LDLRAD4: variants seen among roughly 807,000 people sequenced by gnomAD.
LDLRAD4 encodes the protein low-density lipoprotein receptor class A domain-containing protein 4.
In LDLRAD4, 5 loss-of-function variants were observed where a neutral mutation model predicts 17.0. The ratio of observed to expected loss-of-function variants is 0.29; its 90% confidence interval spans 0.15 to 0.62. LDLRAD4 has a LOEUF of 0.62. Ranked by LOEUF, LDLRAD4 falls within the 20% of genes least tolerant of loss-of-function variation. The pLI is 0.84. For synonymous variants in LDLRAD4, 168 were observed against 171.8 expected, an observed-to-expected ratio of 0.98 and a Z score of 0.17; for missense variants, 340 against 424.7, an observed-to-expected ratio of 0.80 and a Z score of 1.75.
At chr18:13,447,417 T>C (rs1033074275) in intron 3 of LDLRAD4, among the ~76,000 whole-genome samples, 7 of 151,568 alleles carry the variant, frequency 4.6e-5, no homozygotes, top group African/African-American at 1.7e-4. Flanking sequence ...ATTAAAATCG[T>C]GTAGGGTCTT....
At chr18:13,311,454 G>T (rs2047227520) in intron 1 of LDLRAD4, among the ~76,000 whole-genome samples, 1 of 152,246 alleles carries the variant, frequency 6.6e-6, no homozygotes, top group Non-Finnish European at 1.5e-5. Context: ...CTGCTAAGGA[G>T]TCGCTTTCCA....
intron 2 of LDLRAD4, among the ~76,000 whole-genome samples, chr18:13,415,342 TTA>T (rs1476437572): frequency 6.6e-6 from 1 of 152,240 alleles, no homozygotes; most frequent in Non-Finnish European, 1.5e-5. Context: ...CTTTCTCCAG[TTA>T]ACGACCCTTC....
chr18:13,596,840 C>T (rs762152809), intron 3 of LDLRAD4, among the ~76,000 whole-genome samples: 1 of 152,202 alleles, frequency 6.6e-6, no homozygotes, highest in Non-Finnish European at 1.5e-5. Context: ...CACTCACCTC[C>T]TCTGTGTTGT....
intron 1 of LDLRAD4, among the ~76,000 whole-genome samples, chr18:13,317,905 A>G (rs2081014388): frequency 6.8e-6 from 1 of 146,134 alleles, no homozygotes. Context: ...ATTTTTTATC[A>G]TATGACACCA....
chr18:13,260,609 G>A (rs1300564961), intron 1 of LDLRAD4, among the ~76,000 whole-genome samples: 4 of 152,182 alleles, frequency 2.6e-5, no homozygotes, highest in African/African-American at 9.7e-5. Flanking sequence ...TGACTCAGCC[G>A]ACTATTTCCT....
chr18:13,376,723 G>A (rs1030740717), intron 1 of LDLRAD4, among the ~76,000 whole-genome samples: 4 of 152,204 alleles, frequency 2.6e-5, no homozygotes, highest in Non-Finnish European at 5.9e-5. Flanking sequence ...CTGTCTTCCA[G>A]GAGGGCACGT....
Position 13,621,011 on chromosome 18 carries a change from G to A in LDLRAD4, c.182-106G>A. The A allele has an allele frequency of 6.7e-7, 1 of 1,491,060 alleles. No homozygotes were observed. 92.4% of individuals were successfully genotyped at this position (1,491,060 alleles called of 1,614,324 possible). A position where few individuals can be genotyped will look rare whatever the true frequency, so the allele number is the denominator to read the frequency against. ...CTGCTGGCCTCTGAGGAACAGACGT[G>A]TGTGAGAGGCCTTCAGGGCCTGATG... is the stretch of plus-strand genomic sequence containing the variant. On this transcript the variant is annotated intron_variant, in intron 3 of 5. Coordinates refer to ENST00000359446, the Ensembl canonical transcript of LDLRAD4. The surrounding 1 kb of genome is among the most constrained non-coding windows in gnomAD (Gnocchi z 5.5).
chr18:13,410,218 G>A (rs928288010), intron 2 of LDLRAD4, among the ~76,000 whole-genome samples: 3 of 151,758 alleles, frequency 2.0e-5, no homozygotes, highest in African/African-American at 7.3e-5. Flanking sequence ...CACACCACAG[G>A]CTCCTAGATG....
chr18:13,287,687 T>TA (rs2045710956), intron 1 of LDLRAD4, among the ~76,000 whole-genome samples: 1 of 152,216 alleles, frequency 6.6e-6, no homozygotes, highest in Non-Finnish European at 1.5e-5. Context: ...ACATTGAACT[T>TA]AGTGTGGATG....
At chr18:13,339,106 C>T (rs2082245230) in intron 1 of LDLRAD4, among the ~76,000 whole-genome samples, 1 of 152,122 alleles carries the variant, frequency 6.6e-6, no homozygotes, top group African/African-American at 2.4e-5. Context: ...CTTTCCATTG[C>T]AGCTTGAGGC....
chr18:13,230,312 C>T (rs1051064116), intron 1 of LDLRAD4, among the ~76,000 whole-genome samples: 7 of 152,166 alleles, frequency 4.6e-5, no homozygotes, highest in South Asian at 2.1e-4. Flanking sequence ...TACAGCAGCA[C>T]GGCTGGACTG....
intron 3 of LDLRAD4, among the ~76,000 whole-genome samples, chr18:13,583,749 TGA>T (rs1161084673): frequency 1.3e-5 from 2 of 152,152 alleles, no homozygotes; most frequent in African/African-American, 4.8e-5. Context: ...GAAGCCTGCT[TGA>T]GTCACCGAGC....
intron 3 of LDLRAD4, among the ~76,000 whole-genome samples, chr18:13,479,013 G>A (rs999136014): frequency 9.2e-5 from 14 of 152,142 alleles, no homozygotes; most frequent in African/African-American, 2.9e-4. Context: ...AAGGTAATAC[G>A]GTGGAGGCAA....
At chr18:13,462,683 C>T (rs952444929) in intron 3 of LDLRAD4, among the ~76,000 whole-genome samples, 2 of 152,182 alleles carry the variant, frequency 1.3e-5, no homozygotes, top group African/African-American at 4.8e-5. Context: ...AGGCGTATAT[C>T]AATGCGGAAG....
intron 3 of LDLRAD4, among the ~76,000 whole-genome samples, chr18:13,562,600 T>G (rs1443078802): frequency 6.6e-6 from 1 of 152,228 alleles, no homozygotes; most frequent in Admixed American, 6.5e-5. Flanking sequence ...GTTCATCTTA[T>G]AACTGAAAGT....
intron 4 of LDLRAD4, among the ~76,000 whole-genome samples, chr18:13,635,032 G>A (rs9951248): frequency 0.67 from 102,093 of 152,082 alleles, 34,522 homozygotes; most frequent in East Asian, 0.91. Context: ...GCCACATGCA[G>A]AAGAGTGACA....
chr18:13,255,264 C>T (rs906215687), intron 1 of LDLRAD4, among the ~76,000 whole-genome samples: 5 of 152,134 alleles, frequency 3.3e-5, no homozygotes, highest in Non-Finnish European at 7.4e-5. Flanking sequence ...CTCCTCCTGG[C>T]CTAGGGTCTG....
intron 2 of LDLRAD4, among the ~76,000 whole-genome samples, chr18:13,418,804 T>C (rs1280529662): frequency 3.3e-5 from 5 of 152,184 alleles, no homozygotes; most frequent in African/African-American, 1.2e-4. Flanking sequence ...CAAGCATTGC[T>C]CCAGAGAATA....
intron 1 of LDLRAD4, among the ~76,000 whole-genome samples, chr18:13,335,786 T>C (rs2082075272): frequency 6.6e-6 from 1 of 152,218 alleles, no homozygotes; most frequent in African/African-American, 2.4e-5. Context: ...CAGTAACATA[T>C]GGATTTGTGG....
Sources: gnomAD v4.1 joint callset for allele counts (sites outside exome capture counted in the v4.1 genomes callset) on GRCh38, gnomAD v4.1.1 for gene constraint, Gnocchi (gnomAD v3.1) non-coding constraint, MANE v1.5 for transcripts, NCBI Gene and HGNC (gene_info 2026-07-23, HGNC 2026-07-21) for gene names.